The following STK4 variants were observed in gnomAD, a reference collection of about 807,000 sequenced individuals.
STK4 encodes the protein serine/threonine kinase 4, also known as serine/threonine-protein kinase 4.
A neutral mutation model predicts 64.9 loss-of-function variants in STK4; 30 were observed. That is an observed-to-expected ratio of 0.46 (90% CI 0.35 to 0.63). STK4 has a LOEUF of 0.63. STK4 is among the 20% of genes least tolerant of loss of function. The pLI, the probability that STK4 is intolerant of heterozygous loss-of-function variation, is 0.01. For synonymous variants in STK4, 177 were observed against 199.0 expected (o/e 0.89, Z 0.93); for missense variants, 466 against 598.5 (o/e 0.78, Z 2.31).
At chr20:45,021,460 T>C (rs6017468) in intron 9 of STK4, among the ~76,000 whole-genome samples, 66,361 of 152,006 alleles carry the variant, frequency 0.44, 15,096 homozygotes, top group Middle Eastern at 0.54. Flanking sequence ...GAAGAAAGAA[T>C]CATTATGGTG....
chr20:45,025,426 G>A (rs1321202017), intron 10 of STK4, among the ~76,000 whole-genome samples: 1 of 152,214 alleles, frequency 6.6e-6, no homozygotes, highest in Non-Finnish European at 1.5e-5. Context: ...GTCTTTAATA[G>A]TTTATTTGGG....
At chr20:45,023,895 CTTTTT>C (rs752584355) in intron 9 of STK4, among the ~76,000 whole-genome samples, 1 of 111,322 alleles carries the variant, frequency 9.0e-6, no homozygotes, top group Admixed American at 9.8e-5. Context: ...ATACTAACTT[CTTTTT>C]TTTTTTTTTT....
At chr20:45,042,429 G>C (rs1201232214) in intron 10 of STK4, among the ~76,000 whole-genome samples, 1 of 152,104 alleles carries the variant, frequency 6.6e-6, no homozygotes, top group Non-Finnish European at 1.5e-5. Context: ...TGCTTATGTA[G>C]CCCAGTGCCT....
intron 9 of STK4, among the ~76,000 whole-genome samples, chr20:45,022,267 T>G (rs2068261966): frequency 6.6e-6 from 1 of 152,250 alleles, no homozygotes; most frequent in African/African-American, 2.4e-5. Context: ...AAAAAAATTC[T>G]CTTTTTATTT....
At chr20:45,036,179 T>G (rs1391883121) in intron 10 of STK4, among the ~76,000 whole-genome samples, 1 of 152,238 alleles carries the variant, frequency 6.6e-6, no homozygotes, top group East Asian at 1.9e-4. Context: ...CATTTCACAA[T>G]GTATGTACAT....
chr20:45,019,148 T>A (rs2068198165), intron 9 of STK4, among the ~76,000 whole-genome samples: 1 of 152,182 alleles, frequency 6.6e-6, no homozygotes, highest in Non-Finnish European at 1.5e-5. Flanking sequence ...ACTATTGAAT[T>A]CAAGACATTT....
At chr20:45,051,255 G>A (rs2068772564) in intron 10 of STK4, among the ~76,000 whole-genome samples, 1 of 152,144 alleles carries the variant, frequency 6.6e-6, no homozygotes, top group African/African-American at 2.4e-5. Context: ...CTAACCAAAA[G>A]GCCTTTAGTG....
chr20:45,033,912 C>T (rs2068486307), intron 10 of STK4, among the ~76,000 whole-genome samples: 1 of 152,038 alleles, frequency 6.6e-6, no homozygotes, highest in South Asian at 2.1e-4. Flanking sequence ...GAAATCAGGC[C>T]ACGTTACCTG....
At chr20:45,024,326 A>G (rs1309965439) in intron 9 of STK4, among the ~76,000 whole-genome samples, 2 of 150,786 alleles carry the variant, frequency 1.3e-5, no homozygotes, top group African/African-American at 4.9e-5. Flanking sequence ...TCCTATATGT[A>G]TGATTTTATA....
intron 10 of STK4, among the ~76,000 whole-genome samples, chr20:45,039,428 A>T (rs959292285): frequency 3.9e-5 from 6 of 152,068 alleles, no homozygotes; most frequent in African/African-American, 1.4e-4. Context: ...CAGAATACTT[A>T]TTTTCATTTG....
intron 4 of STK4, among the ~76,000 whole-genome samples, chr20:44,986,823 G>A (rs184482574): frequency 3.9e-5 from 6 of 152,304 alleles, no homozygotes; most frequent in Admixed American, 2.0e-4. Context: ...TGGGAGAAGT[G>A]GAGTAGGTTG....
chr20:45,053,117 A>C, intron 10 of STK4: 1 of 1,612,816 alleles, frequency 6.2e-7, no homozygotes, highest in South Asian at 1.1e-5. Flanking sequence ...TCTGGAAAAG[A>C]CATATGTATC....
chr20:45,053,960 T>C (rs1978311442), intron 10 of STK4, among the ~76,000 whole-genome samples: 1 of 152,144 alleles, frequency 6.6e-6, no homozygotes, highest in African/African-American at 2.4e-5. Flanking sequence ...TCCATGAAAT[T>C]TTGATTACTT....
intron 1 of STK4, among the ~76,000 whole-genome samples, chr20:44,971,549 T>C (rs2067246057): frequency 6.6e-6 from 1 of 152,120 alleles, no homozygotes; most frequent in African/African-American, 2.4e-5. Context: ...TTACCTTACA[T>C]TAAACACCTT....
At chr20:44,999,174 A>G (rs1459238094) in intron 7 of STK4, among the ~76,000 whole-genome samples, 2 of 152,172 alleles carry the variant, frequency 1.3e-5, no homozygotes, top group African/African-American at 4.8e-5. Flanking sequence ...GTTAAATAAT[A>G]ACAGGCCAGA....
intron 10 of STK4, among the ~76,000 whole-genome samples, chr20:45,064,848 T>G (rs187359799): frequency 6.6e-6 from 1 of 152,358 alleles, no homozygotes; most frequent in Non-Finnish European, 1.5e-5. Flanking sequence ...AAGGAGCTTT[T>G]GGGCAAAGTC....
chr20:45,051,236 T>C (rs955666051), intron 10 of STK4, among the ~76,000 whole-genome samples: 8 of 152,212 alleles, frequency 5.3e-5, no homozygotes, highest in African/African-American at 1.9e-4. Context: ...CAAGCAAAAT[T>C]GATTGTTTCT....
intron 6 of STK4, 134 bp downstream of exon 6, chr20:44,995,391 A>G: frequency 9.1e-7 from 1 of 1,095,408 alleles, no homozygotes; most frequent in Non-Finnish European, 1.2e-6. Context: ...GGATCACCAG[A>G]GGTCAGGAGT....
chr20:44,997,303 G>A lies in STK4; in HGVS notation c.828G>A (p.Leu276=), dbSNP rs1302749832. The change falls in exon 7 of 11, where the codon CTG becomes CTA. Residue 276 remains leucine, a synonymous_variant. Coordinates refer to ENST00000372806, the MANE Select transcript of STK4 (RefSeq NM_006282.5). ...PEQRATATQL[L]QHPFVRSAKG... ...AGAGGGCCACAGCCACTCAGCTCCT[G>A]CAGGTATGAATCACCCTGTGATGCC... 2.1e-5 allele frequency: 34 copies of A among 1,595,338 alleles called. No individual in the cohort carries two copies. Among genetic ancestry groups the A allele is most frequent in the Admixed American group, 3.6e-5 (2 of 55,216 alleles).
Sources: gnomAD v4.1 joint callset for allele counts (sites outside exome capture counted in the v4.1 genomes callset) on GRCh38, gnomAD v4.1.1 for gene constraint, MANE v1.5 for transcripts, NCBI Gene and HGNC (gene_info 2026-07-23, HGNC 2026-07-21) for gene names.